Variants in TRMT11 observed in about 807,000 individuals in gnomAD.
The protein encoded by TRMT11 is tRNA methyltransferase 11.
A neutral mutation model predicts 62.8 loss-of-function variants in TRMT11; 53 were observed. The ratio of observed to expected loss-of-function variants is 0.84; its 90% CI spans 0.68 to 1.06. TRMT11 has a LOEUF of 1.06. TRMT11 is among the 50% of genes least tolerant of loss of function. TRMT11 has a pLI of 0.00. For missense variants in TRMT11, 556 were observed against 553.4 expected (o/e 1.00, Z -0.05); for synonymous variants, 188 against 190.3 (o/e 0.99, Z 0.10).
intron 21 of TRMT11, among the ~76,000 whole-genome samples, chr6:126,139,803 T>C (rs1290936857): frequency 6.6e-6 from 1 of 152,158 alleles, no homozygotes; most frequent in Non-Finnish European, 1.5e-5. Context: ...AACTTTCTAA[T>C]GTGAACTCTA....
chr6:126,191,823 A>G lies in TRMT11; in HGVS notation n.144-6976A>G, dbSNP rs139316291. Among the ~76,000 whole-genome samples the G allele has an allele frequency of 5.9e-3, 894 of 152,196 alleles. 8 individuals are homozygous for G. Among genetic ancestry groups the G allele is most frequent in the African/African-American group, 0.021 (860 of 41,550 alleles). ...TTTATGTGTCTGTTTTTATGCCAGC[A>G]CCATGCTGTTTTGGTTATTACAGCT... On this transcript the variant is annotated intron_variant and non_coding_transcript_variant, in intron 1 of 3. Transcript: ENST00000444229.
chr6:126,020,470 A>G (rs1795656585), intron 11 of TRMT11, among the ~76,000 whole-genome samples: 1 of 152,150 alleles, frequency 6.6e-6, no homozygotes, highest in South Asian at 2.1e-4. Flanking sequence ...TGCTTTCTAG[A>G]CATTGTCATC....
the TRMT11 span, among the ~76,000 whole-genome samples, chr6:126,259,511 TTTA>T: frequency 6.6e-6 from 1 of 152,240 alleles, no homozygotes; most frequent in Non-Finnish European, 1.5e-5. Context: ...CCACATTTTC[TTTA>T]TCCAGTCTAC....
At chr6:126,183,862 C>A (rs1015071397) in intron 1 of TRMT11, among the ~76,000 whole-genome samples, 4 of 152,042 alleles carry the variant, frequency 2.6e-5, no homozygotes, top group Non-Finnish European at 5.9e-5. Context: ...GAAGCTGATG[C>A]GAGCAACCTG....
chr6:126,175,010 A>T (rs1192674218), upstream of TRMT11, among the ~76,000 whole-genome samples: 2 of 152,222 alleles, frequency 1.3e-5, no homozygotes, highest in Admixed American at 1.3e-4. Flanking sequence ...TGTATGTGCA[A>T]AGTTGCTGCA....
At chr6:126,196,410 C>T (rs757106462) in intron 1 of TRMT11, among the ~76,000 whole-genome samples, 19 of 152,156 alleles carry the variant, frequency 1.2e-4, no homozygotes, top group Admixed American at 4.6e-4. Context: ...CAAGAAAGCT[C>T]CCTTAATTGG....
chr6:125,991,634 A>C (rs1331524574), intron 1 of TRMT11, among the ~76,000 whole-genome samples: 1 of 152,002 alleles, frequency 6.6e-6, no homozygotes, highest in Admixed American at 6.6e-5. Context: ...AGTGATATAG[A>C]ATCTCTTCTG....
intron 21 of TRMT11, among the ~76,000 whole-genome samples, chr6:126,127,679 G>A (rs371916069): frequency 8.4e-5 from 9 of 107,736 alleles, no homozygotes; most frequent in African/African-American, 3.4e-4. Flanking sequence ...GACAGGCCCC[G>A]GTGTGTGATG....
chr6:126,046,493 C>T (rs1309533473), intron 16 of TRMT11, among the ~76,000 whole-genome samples: 1 of 152,192 alleles, frequency 6.6e-6, no homozygotes, highest in Non-Finnish European at 1.5e-5. Flanking sequence ...ACCCCATGTT[C>T]CCTTGTTTCT....
At chr6:126,106,289 G>A (rs544862696) in intron 17 of TRMT11, among the ~76,000 whole-genome samples, 8 of 151,986 alleles carry the variant, frequency 5.3e-5, no homozygotes, top group South Asian at 2.1e-4. Flanking sequence ...GATTACAGGC[G>A]CCTGCCACCA....
chr6:126,093,623 A>ATTTT (rs1301464523), intron 17 of TRMT11, among the ~76,000 whole-genome samples: 12 of 101,180 alleles, frequency 1.2e-4, no homozygotes, highest in African/African-American at 4.3e-4. Context: ...ATATATATAT[A>ATTTT]TATATATATT....
intron 21 of TRMT11, among the ~76,000 whole-genome samples, chr6:126,124,110 G>A (rs911819632): frequency 1.3e-5 from 2 of 151,900 alleles, no homozygotes; most frequent in South Asian, 4.1e-4. Flanking sequence ...TCAAATGTCT[G>A]GAGAACCTAG....
the TRMT11 span, among the ~76,000 whole-genome samples, chr6:126,239,288 G>T: frequency 6.6e-6 from 1 of 152,138 alleles, no homozygotes; most frequent in African/African-American, 2.4e-5. Context: ...AGTTGATGCA[G>T]TTTCTTCCTA....
chr6:126,022,195 C>T (rs901434757), intron 12 of TRMT11, among the ~76,000 whole-genome samples: 1 of 151,642 alleles, frequency 6.6e-6, no homozygotes, highest in African/African-American at 2.4e-5. Context: ...AGGTGCCTGC[C>T]ACTATGCCTG....
intron 21 of TRMT11, among the ~76,000 whole-genome samples, chr6:126,128,915 ATT>A (rs36071656): frequency 5.8e-4 from 76 of 130,432 alleles, no homozygotes; most frequent in Admixed American, 1.6e-3. Flanking sequence ...TTGTTTTCTG[ATT>A]TTTTTTTTTT....
At chr6:126,195,929 C>T (rs901418715) in intron 1 of TRMT11, among the ~76,000 whole-genome samples, 14 of 152,098 alleles carry the variant, frequency 9.2e-5, no homozygotes, top group Non-Finnish European at 1.8e-4. Context: ...AAGTTATCAT[C>T]TTGTGGCTAT....
At chr6:126,069,855 GT>G (rs113950068) in intron 17 of TRMT11, among the ~76,000 whole-genome samples, 5,373 of 134,846 alleles carry the variant, frequency 0.04, 204 homozygotes, top group African/African-American at 0.11. Flanking sequence ...GTAGATGAAG[GT>G]TTTTTTTTTT....
At chr6:126,129,264 A>G (rs138397413) in intron 21 of TRMT11, among the ~76,000 whole-genome samples, 169 of 152,240 alleles carry the variant, frequency 1.1e-3, no homozygotes, top group African/African-American at 3.3e-3. Flanking sequence ...TGTGTGGCTC[A>G]GCTTTCCCAT....
intron 21 of TRMT11, among the ~76,000 whole-genome samples, chr6:126,117,211 G>C (rs560190841): frequency 6.6e-6 from 1 of 152,060 alleles, no homozygotes; most frequent in Non-Finnish European, 1.5e-5. Flanking sequence ...AGGCTCTACT[G>C]TGTATTCTAC....
Sources: allele counts gnomAD v4.1 joint callset (sites outside exome capture counted in the v4.1 genomes callset), GRCh38; gene constraint gnomAD v4.1.1; transcripts MANE v1.5; gene names NCBI Gene and HGNC (gene_info 2026-07-23, HGNC 2026-07-21).